The following KIFAP3 variants were observed in gnomAD, a reference collection of about 807,000 sequenced individuals.
The protein encoded by KIFAP3 is kinesin-associated protein 3.
A neutral mutation model predicts 106.5 loss-of-function variants in KIFAP3; 68 were observed. The observed-to-expected ratio is 0.64, with a 90% confidence interval of 0.53 to 0.78. The LOEUF (loss-of-function observed/expected upper bound fraction) is 0.78, where lower values mean the gene tolerates loss of function less well. KIFAP3 is among the 30% of genes least tolerant of loss of function. The pLI, the probability that KIFAP3 is intolerant of heterozygous loss-of-function variation, is 0.00. For missense variants in KIFAP3, 780 were observed against 941.8 expected (o/e 0.83, Z 2.25); for synonymous variants, 320 against 311.5 (o/e 1.03, Z -0.29).
At chr1:170,025,130 TAAGAA>T (rs1669041852) in intron 8 of KIFAP3, among the ~76,000 whole-genome samples, 1 of 152,156 alleles carries the variant, frequency 6.6e-6, no homozygotes, top group Admixed American at 6.5e-5. Context: ...TTAGTCACTA[TAAGAA>T]AAGACCTTAT....
intron 10 of KIFAP3, among the ~76,000 whole-genome samples, chr1:170,012,964 C>T (rs1391292236): frequency 6.6e-6 from 1 of 152,058 alleles, no homozygotes; most frequent in Non-Finnish European, 1.5e-5. Context: ...CTGGCCCGGC[C>T]CTTGAAACGT....
intron 10 of KIFAP3, among the ~76,000 whole-genome samples, chr1:170,015,333 T>C (rs1050355427): frequency 6.6e-5 from 10 of 152,174 alleles, no homozygotes; most frequent in African/African-American, 1.7e-4. Flanking sequence ...GTCAGATTTA[T>C]AATAAGTGAA....
intron 19 of KIFAP3, among the ~76,000 whole-genome samples, chr1:169,946,543 T>A (rs1321508373): frequency 6.6e-6 from 1 of 152,100 alleles, no homozygotes; most frequent in African/African-American, 2.4e-5. Flanking sequence ...GTGTTGGCTC[T>A]TACCAAGCTT....
chr1:169,982,579 G>A, intron 14 of KIFAP3, 123 bp downstream of exon 14: 1 of 555,664 alleles, frequency 1.8e-6, no homozygotes, highest in Non-Finnish European at 3.1e-6. Flanking sequence ...GGAGAAGAGA[G>A]CTGTGAGAAG....
chr1:170,023,513 G>A (rs1204940931), intron 9 of KIFAP3, among the ~76,000 whole-genome samples: 1 of 151,934 alleles, frequency 6.6e-6, no homozygotes, highest in East Asian at 1.9e-4. Context: ...TTCATTTATA[G>A]GAAACTGCTC....
chr1:170,025,698 T>C (rs968521644), intron 8 of KIFAP3, among the ~76,000 whole-genome samples: 1 of 152,184 alleles, frequency 6.6e-6, no homozygotes, highest in Non-Finnish European at 1.5e-5. Context: ...TTCCCTACCA[T>C]ACAGCTAGAA....
intron 16 of KIFAP3, among the ~76,000 whole-genome samples, chr1:169,973,676 G>A (rs1245268584): frequency 1.3e-5 from 2 of 151,812 alleles, no homozygotes; most frequent in South Asian, 4.1e-4. Flanking sequence ...GCAGTCCAAG[G>A]GAAAGCGAAA....
chr1:170,057,399 T>C (rs1166147056), intron 1 of KIFAP3, among the ~76,000 whole-genome samples: 2 of 152,120 alleles, frequency 1.3e-5, no homozygotes, highest in Non-Finnish European at 2.9e-5. Context: ...ATGTGTGTTT[T>C]AGAGGAGTAA....
At chr1:170,035,666 A>AC (rs1669654215) in intron 5 of KIFAP3, 113 bp from the exon 6 acceptor site, 1 of 585,098 alleles carries the variant, frequency 1.7e-6, no homozygotes, top group East Asian at 3.2e-5. Flanking sequence ...TAGAACTGGG[A>AC]CAAAAAGTAG....
At chr1:169,944,837 G>A (rs932409201) in intron 19 of KIFAP3, among the ~76,000 whole-genome samples, 37 of 152,136 alleles carry the variant, frequency 2.4e-4, no homozygotes, top group Non-Finnish European at 8.8e-5. Context: ...GGCTCAGAAG[G>A]GAGGAAGTGC....
chr1:170,062,364 CTTTT>C (rs1340311692), intron 1 of KIFAP3, among the ~76,000 whole-genome samples: 1 of 151,466 alleles, frequency 6.6e-6, no homozygotes, highest in African/African-American at 2.4e-5. Context: ...TTACAAAACT[CTTTT>C]TGTGTTTGGT....
At chr1:169,953,906 T>C (rs1424647886) in intron 19 of KIFAP3, 105 bp downstream of exon 19, 15 of 775,202 alleles carry the variant, frequency 1.9e-5, no homozygotes, top group Non-Finnish European at 3.0e-5. Context: ...GAGGGTTTTT[T>C]CCCCCCTCTT....
chr1:169,925,460 C>T (rs887528539), intron 19 of KIFAP3, among the ~76,000 whole-genome samples: 4 of 151,572 alleles, frequency 2.6e-5, no homozygotes, highest in Non-Finnish European at 5.9e-5. Flanking sequence ...ATATTTAAAA[C>T]CCAACAACAA....
intron 9 of KIFAP3, among the ~76,000 whole-genome samples, chr1:170,020,691 A>ATGCAAAGGCAATTTCAATAAGG (rs373745137): frequency 2.0e-5 from 3 of 151,906 alleles, no homozygotes; most frequent in Non-Finnish European, 4.4e-5. Context: ...CTCGTGATCC[A>ATGCAAAGGCAATTTCAATAAGG]TGCAAAGGCA....
chr1:169,921,847 G>A (rs1198476879), intron 19 of KIFAP3, 66 bp from the exon 20 acceptor site: 3 of 1,168,180 alleles, frequency 2.6e-6, no homozygotes, highest in African/African-American at 1.5e-5. Flanking sequence ...CAGATTAAGA[G>A]GCCTACATTT....
intron 19 of KIFAP3, among the ~76,000 whole-genome samples, chr1:169,935,605 G>A (rs1043870451): frequency 1.3e-5 from 2 of 151,948 alleles, no homozygotes; most frequent in South Asian, 2.1e-4. Flanking sequence ...TTATGTTCCT[G>A]TTTAAGTGTA....
intron 17 of KIFAP3, among the ~76,000 whole-genome samples, chr1:169,964,057 A>G (rs1490650987): frequency 6.6e-6 from 1 of 152,184 alleles, no homozygotes; most frequent in Non-Finnish European, 1.5e-5. Context: ...AGATATAAAT[A>G]ATAAATCCAA....
At chr1:170,042,753 A>C (rs950660291) in intron 3 of KIFAP3, among the ~76,000 whole-genome samples, 1 of 152,158 alleles carries the variant, frequency 6.6e-6, no homozygotes, top group Non-Finnish European at 1.5e-5. Flanking sequence ...CTTCTTCTAC[A>C]TTGGCTACCT....
intron 7 of KIFAP3, among the ~76,000 whole-genome samples, chr1:170,032,576 A>T (rs1326907090): frequency 6.6e-6 from 1 of 151,782 alleles, no homozygotes; most frequent in Non-Finnish European, 1.5e-5. Context: ...AAAAATAATC[A>T]GTTACTTCAG....
Sources: gnomAD v4.1 joint callset for allele counts (sites outside exome capture counted in the v4.1 genomes callset) on GRCh38, gnomAD v4.1.1 for gene constraint, MANE v1.5 for transcripts, NCBI Gene and HGNC (gene_info 2026-07-23, HGNC 2026-07-21) for gene names.